PRRC2C: variants seen among roughly 807,000 people sequenced by gnomAD.
PRRC2C encodes proline rich coiled-coil 2C.
Under a neutral mutation model 317.2 loss-of-function variants are expected in PRRC2C, and 72 were observed. The ratio of observed to expected loss-of-function variants is 0.23; its 90% CI spans 0.19 to 0.28. The LOEUF is 0.28. PRRC2C is among the 10% of genes least tolerant of loss of function. The pLI is 1.00. For synonymous variants in PRRC2C, 1,296 were observed against 1,205.9 expected, an observed-to-expected ratio of 1.07 and a Z score of -1.55; for missense variants, 3,074 against 3,459.7, an observed-to-expected ratio of 0.89 and a Z score of 2.80.
chr1:171,537,463 G>C lies in PRRC2C; in HGVS notation c.2494G>C (p.Glu832Gln). The change falls in exon 15 of 35, where the codon GAG (glutamate) becomes CAG (glutamine). Residue 832 changes from glutamate (E) to glutamine (Q), a missense_variant. Glu to Gln is a conservative substitution (Grantham distance 29). Transcript: ENST00000647382. ...ATTPKATEEP[E>Q]DVRSEAALDQ... ...TACTCCCAAAGCAACAGAAGAGCCTGAGGATGTAAGGTAATAAATTATTTC... is the reference window on the plus strand; with the variant it reads ...TACTCCCAAAGCAACAGAAGAGCCTCAGGATGTAAGGTAATAAATTATTTC... The C allele has an allele frequency of 6.4e-7, 1 of 1,566,438 alleles. No individual in the cohort carries two copies. Among genetic ancestry groups the C allele is most frequent in the African/African-American group, 1.4e-5 (1 of 73,722 alleles).
chr1:171,550,322 C>G (rs1034489447), intron 18 of PRRC2C, 82 bp downstream of exon 18: 4 of 1,230,210 alleles, frequency 3.3e-6, no homozygotes, highest in Non-Finnish European at 4.4e-6. Context: ...GGTTTTTATA[C>G]TTGTCAAGGC....
At chr1:171,576,534 C>T (rs1273719213) in intron 25 of PRRC2C, among the ~76,000 whole-genome samples, 1 of 152,144 alleles carries the variant, frequency 6.6e-6, no homozygotes. Context: ...CATAATAGCT[C>T]ACTAATCAAT....
At position 171,514,614 on chromosome 1, in the gene PRRC2C, G is replaced by A. The variant is rs1318425312; in HGVS notation, c.369G>A (p.Trp123Ter). 6.4e-7 allele frequency: 1 copy of A among 1,559,196 alleles called. No homozygotes were observed. Among genetic ancestry groups the A allele is most frequent in the Admixed American group, 1.9e-5 (1 of 51,888 alleles). ...AAGTAGCACCTGCTCCCAAATCATG[G>A]GCCAGTAACAAGCAAGGTGGGCAAG... ...PPEVAPAPKS[W>*]ASNKQGGQGD... Residue 123 changes from tryptophan to a stop codon, truncating the protein, a stop_gained, in exon 4 of 35, where the codon TGG becomes TGA. Transcript: ENST00000647382. LOFTEE classifies it high-confidence loss of function.
At chr1:171,496,941 G>A (rs1006427376) in intron 1 of PRRC2C, among the ~76,000 whole-genome samples, 2 of 151,858 alleles carry the variant, frequency 1.3e-5, no homozygotes, top group Non-Finnish European at 1.5e-5. Flanking sequence ...GGGACCACAC[G>A]CATGTGCCAC....
intron 11 of PRRC2C, among the ~76,000 whole-genome samples, chr1:171,531,938 A>G (rs1353850103): frequency 1.3e-5 from 2 of 152,144 alleles, no homozygotes; most frequent in African/African-American, 4.8e-5. Flanking sequence ...ACATGCCATC[A>G]TTTTGGATAT....
chr1:171,591,374 T>TG (rs1491275697), intron 34 of PRRC2C: 13 of 230,858 alleles, frequency 5.6e-5, no homozygotes, highest in East Asian at 4.6e-4. Flanking sequence ...GGTCCTGTGG[T>TG]TTTTTTTTTT....
intron 22 of PRRC2C, among the ~76,000 whole-genome samples, chr1:171,567,359 T>C (rs985822515): frequency 1.3e-5 from 2 of 152,208 alleles, no homozygotes; most frequent in African/African-American, 4.8e-5. Context: ...AGACAAGATA[T>C]GTTGATTGAC....
At chr1:171,583,501 G>C (rs1162611399) in intron 28 of PRRC2C, among the ~76,000 whole-genome samples, 1 of 151,954 alleles carries the variant, frequency 6.6e-6, no homozygotes, top group Non-Finnish European at 1.5e-5. Flanking sequence ...CCTTCTTCTG[G>C]AATACCCGCT....
At position 171,589,471 on chromosome 1, in the gene PRRC2C, A is replaced by T. The variant is rs1442754922; in HGVS notation, c.8302A>T (p.Met2768Leu). 1 of 1,289,784 alleles carries T rather than the reference A, an allele frequency of 7.8e-7. No individual in the cohort carries two copies. The highest frequency in any genetic ancestry group is 1.2e-5 in the South Asian group (1 of 81,028). The allele number at this position is 1,289,784 out of a possible 1,614,324, so 79.9% of individuals were successfully genotyped here. The change falls in exon 34 of 35, where the codon ATG (methionine) becomes TTG (leucine). Residue 2768 changes from methionine to leucine, a missense_variant. Met to Leu is a conservative substitution (Grantham distance 15). Around this residue, in one of 11 missense-constraint regions of PRRC2C, gnomAD observed 490 missense variants for 663.1 expected, o/e 0.74. Coordinates refer to ENST00000647382, the MANE Select transcript of PRRC2C (RefSeq NM_001387844.1). Reference sequence around the variant, plus strand: ...GCCACCAATGGCACTGGCCAGTCAGATGCCTCCTCCGCTGACCACAGGCCT... The same window carrying T: ...GCCACCAATGGCACTGGCCAGTCAGTTGCCTCCTCCGCTGACCACAGGCCT... The part of the protein sequence containing the change: ...QRPPMALASQ[M>L]PPPLTTGLMS...
At chr1:171,554,525 T>G (rs1416139235) in intron 18 of PRRC2C, among the ~76,000 whole-genome samples, 1 of 152,216 alleles carries the variant, frequency 6.6e-6, no homozygotes, top group African/African-American at 2.4e-5. Flanking sequence ...GTTAGCTGGT[T>G]GTTTTGCCCG....
chr1:171,503,991 G>A (rs1399665254), intron 1 of PRRC2C, among the ~76,000 whole-genome samples: 2 of 152,046 alleles, frequency 1.3e-5, no homozygotes, highest in African/African-American at 4.8e-5. Flanking sequence ...ACCTTCCACC[G>A]AGTCCCTCCC....
At chr1:171,566,906 G>T in intron 22 of PRRC2C, 63 bp downstream of exon 22, 2 of 1,508,792 alleles carry the variant, frequency 1.3e-6, no homozygotes, top group Non-Finnish European at 8.9e-7. Flanking sequence ...TGAACGAGAA[G>T]AACAGCAACA....
intron 25 of PRRC2C, among the ~76,000 whole-genome samples, chr1:171,575,575 GATTTTGTTTT>G (rs1685557650): frequency 1.3e-5 from 2 of 152,148 alleles, no homozygotes; most frequent in South Asian, 4.1e-4. Flanking sequence ...GTTTGGTTTG[GATTTTGTTTT>G]ATTTTGTTTT....
chr1:171,487,954 C>T (rs983124825), intron 1 of PRRC2C, among the ~76,000 whole-genome samples: 22 of 121,302 alleles, frequency 1.8e-4, no homozygotes, highest in African/African-American at 6.3e-4. Context: ...TTATGCTCTA[C>T]AGTAAATATC....
At position 171,557,800 on chromosome 1, in the gene PRRC2C, AGCCTCAGCCCCAACT is replaced by A; in HGVS notation, c.5696_5710del (p.Ala1899_Ser1903del). On this transcript the variant is annotated inframe_deletion, in exon 19 of 35. Coordinates refer to ENST00000647382, the MANE Select transcript of PRRC2C (RefSeq NM_001387844.1). The stretch of plus-strand genomic sequence containing the variant: ...CAGTCATCACAGCACCAACTATCCC[AGCCTCAGCCCCAACT>A]GCCTCAGTCCCACTTGCCCCTGCCT... 2.6e-6 allele frequency: 4 copies of A among 1,550,220 alleles called. No homozygotes were observed. The highest frequency in any genetic ancestry group is 2.4e-5 in the East Asian group (1 of 40,872).
chr1:171,513,325 G>T (rs900819941), intron 3 of PRRC2C, 153 bp downstream of exon 3: 1 of 917,328 alleles, frequency 1.1e-6, no homozygotes, highest in African/African-American at 1.7e-5. Flanking sequence ...GTAACTTTTG[G>T]TTAATTTTCC....
At chr1:171,495,637 T>G (rs533381551) in intron 1 of PRRC2C, among the ~76,000 whole-genome samples, 2 of 152,332 alleles carry the variant, frequency 1.3e-5, no homozygotes, top group Non-Finnish European at 2.9e-5. Flanking sequence ...TCAAGTGGAT[T>G]GAGGGAAGGA....
chr1:171,557,878 A>G lies in PRRC2C; in HGVS notation c.5766A>G (p.Ser1922=). The G allele has an allele frequency of 6.8e-7, 1 of 1,474,694 alleles. No individual in the cohort carries two copies. Among genetic ancestry groups the G allele is most frequent in the Non-Finnish European group, 9.0e-7 (1 of 1,110,984 alleles). The allele number at this position is 1,474,694 out of a possible 1,614,324, so 91.4% of individuals were successfully genotyped here. The part of the protein sequence containing the change: ...SAPAPAPTPV[S]APNPAPPAPA... ...CAGCCCCAGCCCCTACCCCAGTCTCAGCCCCAAATCCTGCCCCACCTGCCC... is the reference window on the plus strand; with the variant it reads ...CAGCCCCAGCCCCTACCCCAGTCTCGGCCCCAAATCCTGCCCCACCTGCCC... Residue 1922 remains serine (S), a synonymous_variant, in exon 19 of 35, where the codon TCA becomes TCG. Coordinates refer to ENST00000647382, the MANE Select transcript of PRRC2C (RefSeq NM_001387844.1).
chr1:171,515,516 C>G (rs1672201349), intron 4 of PRRC2C, among the ~76,000 whole-genome samples: 1 of 152,140 alleles, frequency 6.6e-6, no homozygotes, highest in Non-Finnish European at 1.5e-5. Context: ...TGGAATGGTA[C>G]TGGTAGATTA....
Sources: allele counts gnomAD v4.1 joint callset (sites outside exome capture counted in the v4.1 genomes callset), GRCh38; gene constraint gnomAD v4.1.1; regional missense constraint gnomAD v4.1.1; transcripts MANE v1.5; gene names NCBI Gene and HGNC (gene_info 2026-07-23, HGNC 2026-07-21).